The following TMTC2 variants were observed in gnomAD, a reference collection of about 807,000 sequenced individuals.
The protein encoded by TMTC2 is protein O-mannosyl-transferase TMTC2.
Under a neutral mutation model 82.4 loss-of-function variants are expected in TMTC2, and 43 were observed. The observed-to-expected ratio is 0.52, with a 90% confidence interval of 0.41 to 0.67. TMTC2 has a LOEUF of 0.67. Ranked by LOEUF, TMTC2 falls within the 30% of genes least tolerant of loss-of-function variation. TMTC2 has a pLI of 0.00. For missense variants in TMTC2, 919 were observed against 1,012.4 expected (o/e 0.91, Z 1.25); for synonymous variants, 408 against 381.9 (o/e 1.07, Z -0.80).
At chr12:82,863,799 A>G (rs368054884) in intron 2 of TMTC2, among the ~76,000 whole-genome samples, 35 of 152,318 alleles carry the variant, frequency 2.3e-4, no homozygotes, top group African/African-American at 8.4e-4. Context: ...GGATTCAAAG[A>G]GGAATCAAAA....
chr12:82,909,481 A>T (rs902439055), intron 3 of TMTC2, among the ~76,000 whole-genome samples: 1 of 152,078 alleles, frequency 6.6e-6, no homozygotes, highest in Non-Finnish European at 1.5e-5. Flanking sequence ...CTGGGATTAC[A>T]GGCACGTGCC....
At position 82,720,964 on chromosome 12, in the gene TMTC2, T is replaced by G. The variant is rs866940671; in HGVS notation, c.83+33295T>G. On this transcript the variant is annotated intron_variant, in intron 1 of 11. Coordinates refer to ENST00000321196, the MANE Select transcript of TMTC2 (RefSeq NM_152588.3). ...CAGCAAAGAATGATGTCACAGATGTTTCTCACCTCTGCTGTGTTTTAGCTG... is the reference window on the plus strand; with the variant it reads ...CAGCAAAGAATGATGTCACAGATGTGTCTCACCTCTGCTGTGTTTTAGCTG... Among the ~76,000 whole-genome samples, 8 of 152,220 alleles carry G rather than the reference T, an allele frequency of 5.3e-5. No individual in the cohort carries two copies. The South Asian group carries it at 1.2e-3, about 24-fold the overall frequency.
At chr12:83,053,401 A>C (rs1336827997) in intron 10 of TMTC2, among the ~76,000 whole-genome samples, 8 of 152,058 alleles carry the variant, frequency 5.3e-5, no homozygotes, top group Admixed American at 5.3e-4. Flanking sequence ...CCAAATCAGC[A>C]ATTTAGGGAA....
chr12:83,013,193 G>A (rs1405038480), intron 8 of TMTC2, among the ~76,000 whole-genome samples: 3 of 151,938 alleles, frequency 2.0e-5, no homozygotes, highest in Non-Finnish European at 4.4e-5. Flanking sequence ...ATCTTTATTT[G>A]GAAATGTGAG....
intron 1 of TMTC2, among the ~76,000 whole-genome samples, chr12:82,820,103 T>C (rs1026198843): frequency 6.6e-6 from 1 of 152,122 alleles, no homozygotes; most frequent in Non-Finnish European, 1.5e-5. Context: ...GGGTGAGAGA[T>C]GTAGGCTGGG....
chr12:83,098,761 C>T lies in TMTC2; in HGVS notation c.2332-33449C>T, dbSNP rs370978060. Reference sequence around the variant, plus strand: ...GCAACTCTCATTACATCCTGACGTCCCAGCATCTCTTGCCATCCATGCTGA... The same window carrying T: ...GCAACTCTCATTACATCCTGACGTCTCAGCATCTCTTGCCATCCATGCTGA... On this transcript the variant is annotated intron_variant, in intron 11 of 11. Transcript: ENST00000321196. 3.9e-5 allele frequency among the ~76,000 whole-genome samples: 6 copies of T among 152,288 alleles called. 1 individual carries two copies. The highest frequency in any genetic ancestry group is 1.4e-4 in the African/African-American group (6 of 41,566).
intron 8 of TMTC2, among the ~76,000 whole-genome samples, chr12:83,004,820 A>G (rs984798394): frequency 4.0e-5 from 5 of 123,836 alleles, no homozygotes; most frequent in Admixed American, 1.1e-4. Flanking sequence ...ATGGTGCTTA[A>G]GAGTCATGGC....
chr12:82,801,156 C>T (rs1265217655), intron 1 of TMTC2, among the ~76,000 whole-genome samples: 2 of 152,114 alleles, frequency 1.3e-5, no homozygotes, highest in Non-Finnish European at 2.9e-5. Flanking sequence ...AGAGAAGCTT[C>T]TGTGTCCTGA....
intron 8 of TMTC2, among the ~76,000 whole-genome samples, chr12:83,026,605 T>G (rs1292903804): frequency 1.3e-5 from 2 of 151,996 alleles, no homozygotes. Flanking sequence ...TAGTTTACTT[T>G]TTAAAAATAA....
chr12:83,013,117 A>G (rs190563897), intron 8 of TMTC2, among the ~76,000 whole-genome samples: 3 of 152,216 alleles, frequency 2.0e-5, no homozygotes, highest in Admixed American at 1.3e-4. Context: ...ACATAATATC[A>G]CTTAATTTGT....
intron 1 of TMTC2, among the ~76,000 whole-genome samples, chr12:82,721,266 G>C (rs1393042551): frequency 6.6e-6 from 1 of 152,042 alleles, no homozygotes; most frequent in Non-Finnish European, 1.5e-5. Flanking sequence ...GCAGCTGCTG[G>C]GTCGGTTTAT....
At chr12:82,763,571 A>G (rs1185974003) in intron 1 of TMTC2, among the ~76,000 whole-genome samples, 1 of 152,270 alleles carries the variant, frequency 6.6e-6, no homozygotes, top group Admixed American at 6.5e-5. Flanking sequence ...ATAAAAGAAG[A>G]CACAGACAAA....
intron 2 of TMTC2, among the ~76,000 whole-genome samples, chr12:82,893,957 G>C (rs191726704): frequency 6.6e-6 from 1 of 152,268 alleles, no homozygotes; most frequent in Admixed American, 6.5e-5. Flanking sequence ...GAGATGGAGA[G>C]AAAAAGGACA....
At chr12:83,062,686 A>G (rs1290853192) in intron 11 of TMTC2, among the ~76,000 whole-genome samples, 1 of 151,834 alleles carries the variant, frequency 6.6e-6, no homozygotes. Flanking sequence ...GTGGTAGAAT[A>G]CAGAGATTTT....
intron 1 of TMTC2, among the ~76,000 whole-genome samples, chr12:82,768,551 C>G (rs1877108376): frequency 6.6e-6 from 1 of 152,102 alleles, no homozygotes; most frequent in Non-Finnish European, 1.5e-5. Flanking sequence ...TGCCAAACAC[C>G]TTTTATTTAC....
At chr12:83,089,833 C>CAAAAAAAAA (rs1185835999) in intron 11 of TMTC2, among the ~76,000 whole-genome samples, 1 of 134,402 alleles carries the variant, frequency 7.4e-6, no homozygotes, top group African/African-American at 3.2e-5. Context: ...GCAAAAAAAA[C>CAAAAAAAAA]AAAAAACAAA....
chr12:83,079,366 A>G (rs1883387795), intron 11 of TMTC2, among the ~76,000 whole-genome samples: 1 of 152,144 alleles, frequency 6.6e-6, no homozygotes, highest in Admixed American at 6.5e-5. Context: ...AATTCTCCCA[A>G]TATAAGAATT....
At chr12:83,066,086 A>G (rs966084767) in intron 11 of TMTC2, among the ~76,000 whole-genome samples, 1 of 151,992 alleles carries the variant, frequency 6.6e-6, no homozygotes. Context: ...TCCTTAAGAA[A>G]TGTACAATCT....
intron 11 of TMTC2, among the ~76,000 whole-genome samples, chr12:83,075,277 T>C (rs1417345246): frequency 1.3e-5 from 2 of 152,124 alleles, no homozygotes. Context: ...GGTCTGTGGG[T>C]CCTCTCAGGA....
Sources: gnomAD v4.1 joint callset for allele counts (sites outside exome capture counted in the v4.1 genomes callset) on GRCh38, gnomAD v4.1.1 for gene constraint, MANE v1.5 for transcripts, NCBI Gene and HGNC (gene_info 2026-07-23, HGNC 2026-07-21) for gene names.